MAP2K5: variants seen among roughly 807,000 people sequenced by gnomAD.
MAP2K5 encodes dual specificity mitogen-activated protein kinase kinase 5.
A neutral mutation model predicts 83.1 loss-of-function variants in MAP2K5; 49 were observed. The observed-to-expected ratio is 0.59, with a 90% CI of 0.47 to 0.75. The LOEUF (loss-of-function observed/expected upper bound fraction) is 0.75. Ranked by LOEUF, MAP2K5 falls within the 30% of genes least tolerant of loss-of-function variation. MAP2K5 has a pLI of 0.00. For synonymous variants in MAP2K5, 202 were observed against 191.8 expected (o/e 1.05, Z -0.44); for missense variants, 457 against 557.5 (o/e 0.82, Z 1.82).
intron 12 of MAP2K5, among the ~76,000 whole-genome samples, chr15:67,660,751 G>A (rs2087216026): frequency 6.6e-6 from 1 of 151,992 alleles, no homozygotes; most frequent in Admixed American, 6.6e-5. Flanking sequence ...GCAAGATGAG[G>A]TTTGGAAAAG....
intron 8 of MAP2K5, among the ~76,000 whole-genome samples, chr15:67,618,978 AAGTC>A (rs1423933019): frequency 6.6e-6 from 1 of 152,126 alleles, no homozygotes; most frequent in Non-Finnish European, 1.5e-5. Context: ...CTTGGAATAA[AAGTC>A]AGAGTCCTCA....
chr15:67,687,433 G>T (rs2087985461), intron 13 of MAP2K5, among the ~76,000 whole-genome samples: 1 of 152,130 alleles, frequency 6.6e-6, no homozygotes, highest in African/African-American at 2.4e-5. Flanking sequence ...AAACAACATT[G>T]TTATCCTAAA....
At chr15:67,787,167 C>A (rs1299141575) in intron 21 of MAP2K5, among the ~76,000 whole-genome samples, 1 of 152,194 alleles carries the variant, frequency 6.6e-6, no homozygotes, top group African/African-American at 2.4e-5. Flanking sequence ...ATTCCGCCTG[C>A]CCCTGGTGGG....
At position 67,708,150 on chromosome 15, in the gene MAP2K5, T is replaced by C. The variant is rs997291763; in HGVS notation, c.1044+4742T>C. On this transcript the variant is annotated intron_variant, in intron 16 of 21. Transcript: ENST00000178640. The surrounding 1 kb of genome is among the most constrained non-coding windows in gnomAD (Gnocchi z 4.9). The stretch of plus-strand genomic sequence containing the variant: ...GGGCAACATAGCAAGACTCCATCTC[T>C]AAAAAAACAATTTTTTTTTTCATTT... Among the ~76,000 whole-genome samples the C allele has an allele frequency of 6.6e-6, 1 of 151,764 alleles. No homozygotes were observed. The highest frequency in any genetic ancestry group is 1.5e-5 in the Non-Finnish European group (1 of 67,928).
intron 8 of MAP2K5, among the ~76,000 whole-genome samples, chr15:67,616,289 A>T (rs1455777827): frequency 6.6e-6 from 1 of 152,228 alleles, no homozygotes; most frequent in Non-Finnish European, 1.5e-5. Flanking sequence ...TGTTTTAATA[A>T]GGAAGTAGAT....
In MAP2K5 at chr15:67,717,919, G is replaced by A. The variant is rs1394514767; in HGVS notation, c.1045-9997G>A. On this transcript the variant is annotated intron_variant, in intron 16 of 21. Coordinates refer to ENST00000178640, the MANE Select transcript of MAP2K5 (RefSeq NM_145160.3). The surrounding 1 kb of genome is among the most constrained non-coding windows in gnomAD (Gnocchi z 4.1). ...TTCCTGCCACATTCTGTTGATCACA[G>A]TGTAGGTTCTTGATGATGAAACAAC... 2.0e-5 allele frequency: 3 copies of A among 152,256 alleles called. No homozygotes were observed. The highest frequency in any genetic ancestry group is 3.8e-4 in the East Asian group (2 of 5,200). 9.4% of individuals were successfully genotyped at this position (152,256 alleles called of 1,614,324 possible). A position where few individuals can be genotyped will look rare whatever the true frequency, so the allele number is the denominator to read the frequency against.
intron 21 of MAP2K5, among the ~76,000 whole-genome samples, chr15:67,792,599 G>A (rs2090537494): frequency 6.6e-6 from 1 of 152,154 alleles, no homozygotes; most frequent in Non-Finnish European, 1.5e-5. Context: ...ACTACAAAAT[G>A]CTCCAGACCC....
Position 67,727,453 on chromosome 15 carries a change from C to T in MAP2K5, c.1045-463C>T, listed in dbSNP as rs552809162. Among the ~76,000 whole-genome samples, 132 of 152,172 alleles carry T rather than the reference C, an allele frequency of 8.7e-4. 1 individual carries two copies. The highest frequency in any genetic ancestry group is 2.7e-3 in the African/African-American group (113 of 41,518). ...TTTAACAAATGGATGAAAATAATGGCGCAGTTTTCAATTTCATAATAATGT... is the reference window on the plus strand; with the variant it reads ...TTTAACAAATGGATGAAAATAATGGTGCAGTTTTCAATTTCATAATAATGT... On this transcript the variant is annotated intron_variant, in intron 16 of 21. Transcript: ENST00000178640.
At chr15:67,630,846 T>G (rs1176984595) in intron 8 of MAP2K5, 42 bp from the exon 9 acceptor site, 2 of 1,512,070 alleles carry the variant, frequency 1.3e-6, no homozygotes, top group Non-Finnish European at 1.8e-6. Context: ...TTGTAGGTTG[T>G]TTAGTGATCC....
chr15:67,605,063 T>C (rs1027692774), intron 8 of MAP2K5, among the ~76,000 whole-genome samples: 2 of 151,080 alleles, frequency 1.3e-5, no homozygotes, highest in Non-Finnish European at 3.0e-5. Context: ...TCTTTTCTTT[T>C]TTTTTTTTGA....
chr15:67,615,128 C>A (rs1466206217), intron 8 of MAP2K5, among the ~76,000 whole-genome samples: 1 of 151,828 alleles, frequency 6.6e-6, no homozygotes, highest in Non-Finnish European at 1.5e-5. Flanking sequence ...CTCCTGAGTA[C>A]CTGGGATTAC....
At chr15:67,800,116 C>T (rs1390288279) in intron 21 of MAP2K5, among the ~76,000 whole-genome samples, 1 of 152,212 alleles carries the variant, frequency 6.6e-6, no homozygotes, top group South Asian at 2.1e-4. Flanking sequence ...TTAATATTAT[C>T]AGGCTGCCCA....
intron 21 of MAP2K5, among the ~76,000 whole-genome samples, chr15:67,789,034 C>T (rs2141329063): frequency 1.3e-5 from 2 of 151,888 alleles, no homozygotes; most frequent in East Asian, 3.9e-4. Context: ...AGTCTCCTTC[C>T]AATCCTCCAT....
rs2088318735 is a variant in MAP2K5, at chr15:67,698,357, T to G, written c.972+4789T>G. 6.6e-6 allele frequency among the ~76,000 whole-genome samples: 1 copy of G among 151,992 alleles called. No individual in the cohort carries two copies. The highest frequency in any genetic ancestry group is 1.5e-5 in the Non-Finnish European group (1 of 68,006). ...CGTGCACCACCACGCCCGGCTAATT[T>G]TTGTATTTTTAGTAGAGATGGGGGG... On this transcript the variant is annotated intron_variant, in intron 15 of 21. Coordinates refer to ENST00000178640, the MANE Select transcript of MAP2K5 (RefSeq NM_145160.3). This position sits in a 1 kb window ranked among gnomAD's most constrained non-coding sequence, Gnocchi z 4.5.
chr15:67,628,369 A>G, intron 8 of MAP2K5: 1 of 521,226 alleles, frequency 1.9e-6, no homozygotes, highest in Non-Finnish European at 3.4e-6. Flanking sequence ...AATCCCAGCT[A>G]CTCGGGAGGC....
chr15:67,732,289 G>C (rs955203226), intron 17 of MAP2K5, among the ~76,000 whole-genome samples: 1 of 152,136 alleles, frequency 6.6e-6, no homozygotes, highest in Admixed American at 6.5e-5. Context: ...AAATGAAAAG[G>C]ATTGCCTGCT....
chr15:67,732,178 G>C (rs537419357), intron 17 of MAP2K5, among the ~76,000 whole-genome samples: 4 of 152,186 alleles, frequency 2.6e-5, no homozygotes, highest in Non-Finnish European at 2.9e-5. Flanking sequence ...TCTAGACAAG[G>C]ACTGGAGCTG....
intron 17 of MAP2K5, among the ~76,000 whole-genome samples, chr15:67,732,153 G>A (rs1566945574): frequency 6.6e-6 from 1 of 152,178 alleles, no homozygotes; most frequent in Non-Finnish European, 1.5e-5. Flanking sequence ...ATAGTAATCT[G>A]GAAAGATGTG....
In MAP2K5 at chr15:67,565,243, T is replaced by C. The variant is rs1300322165; in HGVS notation, c.252+1893T>C. On this transcript the variant is annotated intron_variant, in intron 3 of 21. Transcript: ENST00000178640. The surrounding 1 kb of genome is among the most constrained non-coding windows in gnomAD (Gnocchi z 4.1). ...GTCATCACTGTTATTTATTTTTTTT[T>C]CTCCGAGATGGAGTCTTGCTCTGTC... Among the ~76,000 whole-genome samples, 1 of 152,150 alleles carries C rather than the reference T, an allele frequency of 6.6e-6. No homozygotes were observed. Among genetic ancestry groups the C allele is most frequent in the Non-Finnish European group, 1.5e-5 (1 of 68,030 alleles).
Sources: allele counts gnomAD v4.1 joint callset (sites outside exome capture counted in the v4.1 genomes callset), GRCh38; gene constraint gnomAD v4.1.1; non-coding constraint Gnocchi (gnomAD v3.1); transcripts MANE v1.5; gene names NCBI Gene and HGNC (gene_info 2026-07-23, HGNC 2026-07-21).